Variants in LPP observed in about 807,000 individuals in gnomAD.
LPP encodes the protein LIM domain containing preferred translocation partner in lipoma, also known as lipoma-preferred partner.
LPP carries 38 observed loss-of-function variants against 60.4 expected under a neutral mutation model. The observed-to-expected ratio is 0.63, with a 90% CI of 0.49 to 0.83. The LOEUF (loss-of-function observed/expected upper bound fraction) is 0.83, where lower values mean the gene tolerates loss of function less well. LPP is among the 40% of genes least tolerant of loss of function. The pLI is 0.00. For synonymous variants in LPP, 328 were observed against 290.8 expected (o/e 1.13, Z -1.30); for missense variants, 902 against 783.6 (o/e 1.15, Z -1.80).
intron 8 of LPP, among the ~76,000 whole-genome samples, chr3:188,721,256 A>G (rs1716251524): frequency 6.6e-6 from 1 of 152,248 alleles, no homozygotes; most frequent in Middle Eastern, 3.4e-3. Flanking sequence ...ACTATATTTA[A>G]ATTTTAAAAA....
chr3:188,753,812 A>T (rs534253169), intron 8 of LPP, among the ~76,000 whole-genome samples: 1 of 151,876 alleles, frequency 6.6e-6, no homozygotes, highest in African/African-American at 2.4e-5. Flanking sequence ...TAGAGGGAAA[A>T]ACAAGAGAGA....
At chr3:188,493,731 C>T (rs1430317107) in intron 5 of LPP, among the ~76,000 whole-genome samples, 1 of 152,154 alleles carries the variant, frequency 6.6e-6, no homozygotes, top group African/African-American at 2.4e-5. Context: ...AGGTGTGAGC[C>T]ACTGCTCCCA....
At chr3:188,831,028 T>C (rs1000288363) in intron 9 of LPP, among the ~76,000 whole-genome samples, 1 of 152,190 alleles carries the variant, frequency 6.6e-6, no homozygotes, top group East Asian at 1.9e-4. Flanking sequence ...AATTGAGTAA[T>C]ATTTGTAGCA....
At chr3:188,455,575 A>T (rs1410705018) in intron 4 of LPP, among the ~76,000 whole-genome samples, 1 of 152,202 alleles carries the variant, frequency 6.6e-6, no homozygotes, top group Non-Finnish European at 1.5e-5. Flanking sequence ...TCTCTGCGAG[A>T]CAGAGACTGT....
At chr3:188,834,833 A>G (rs1291980171) in intron 9 of LPP, among the ~76,000 whole-genome samples, 1 of 152,202 alleles carries the variant, frequency 6.6e-6, no homozygotes, top group East Asian at 1.9e-4. Context: ...GTGAAAATCC[A>G]TGTCAGCAGC....
chr3:188,552,860 C>G (rs1828518301), intron 6 of LPP, among the ~76,000 whole-genome samples: 1 of 152,158 alleles, frequency 6.6e-6, no homozygotes, highest in Admixed American at 6.5e-5. Context: ...AACATGTTCA[C>G]AAGTTCGAGG....
chr3:188,777,972 AT>A (rs1361568182), intron 9 of LPP, among the ~76,000 whole-genome samples: 1 of 152,222 alleles, frequency 6.6e-6, no homozygotes, highest in Admixed American at 6.5e-5. Context: ...TTGTGCTTGT[AT>A]AGATTGTCCC....
intron 5 of LPP, among the ~76,000 whole-genome samples, chr3:188,487,044 C>T (rs1269257920): frequency 5.3e-5 from 8 of 152,102 alleles, no homozygotes; most frequent in African/African-American, 1.9e-4. Flanking sequence ...GTCATAGAAA[C>T]TATTTTGTTG....
At chr3:188,501,609 C>T (rs1044856275) in intron 5 of LPP, among the ~76,000 whole-genome samples, 27 of 152,088 alleles carry the variant, frequency 1.8e-4, no homozygotes, top group Non-Finnish European at 2.9e-4. Context: ...ATTAGCCGGG[C>T]GTGGTGGCGG....
intron 7 of LPP, among the ~76,000 whole-genome samples, chr3:188,617,937 G>A (rs1023834182): frequency 1.1e-4 from 16 of 152,176 alleles, no homozygotes; most frequent in African/African-American, 3.9e-4. Context: ...TTCTTGGCCA[G>A]CTACAAACAC....
At chr3:188,871,905 A>G (rs1768199569) in intron 10 of LPP, among the ~76,000 whole-genome samples, 1 of 152,228 alleles carries the variant, frequency 6.6e-6, no homozygotes, top group Non-Finnish European at 1.5e-5. Flanking sequence ...AAACATATGC[A>G]TATGCATATT....
At chr3:188,826,145 T>C (rs1755422838) in intron 9 of LPP, among the ~76,000 whole-genome samples, 1 of 152,170 alleles carries the variant, frequency 6.6e-6, no homozygotes, top group South Asian at 2.1e-4. Context: ...GAGAGGACAG[T>C]CTACTTGCAA....
At chr3:188,338,375 C>T (rs1000359749) in intron 2 of LPP, among the ~76,000 whole-genome samples, 1 of 152,168 alleles carries the variant, frequency 6.6e-6, no homozygotes, top group Non-Finnish European at 1.5e-5. Flanking sequence ...ATTTCAGTTG[C>T]TTCTGGGGAC....
At chr3:188,704,730 A>C (rs946557262) in intron 7 of LPP, among the ~76,000 whole-genome samples, 2 of 151,598 alleles carry the variant, frequency 1.3e-5, no homozygotes, top group Non-Finnish European at 2.9e-5. Context: ...ATTGTAAGTA[A>C]ATTTTGTGTA....
chr3:188,571,277 A>G lies in LPP; in HGVS notation c.430-37884A>G, dbSNP rs1055357453. The stretch of plus-strand genomic sequence containing the variant: ...AACATAGACACCAATATAAAACTAA[A>G]TGCAATAAAAGTGTGTTTTAAGATC... On this transcript the variant is annotated intron_variant, in intron 6 of 11. Coordinates refer to ENST00000617246, the MANE Select transcript of LPP (RefSeq NM_001375462.1). Among the ~76,000 whole-genome samples, 7 of 152,006 alleles carry G rather than the reference A, an allele frequency of 4.6e-5. No individual in the cohort carries two copies. In the South Asian group the frequency reaches 1.2e-3, roughly 27 times the overall value.
chr3:188,608,124 T>G (rs1430814370), intron 6 of LPP, among the ~76,000 whole-genome samples: 1 of 152,178 alleles, frequency 6.6e-6, no homozygotes, highest in Non-Finnish European at 1.5e-5. Context: ...CAGAATTAGC[T>G]GTGGCCAGGA....
At chr3:188,465,761 T>A (rs961993336) in intron 4 of LPP, among the ~76,000 whole-genome samples, 4 of 152,208 alleles carry the variant, frequency 2.6e-5, no homozygotes, top group African/African-American at 9.6e-5. Flanking sequence ...GGATGTCTTG[T>A]TTTTCTCTTC....
chr3:188,762,933 CA>C (rs1169141375), intron 9 of LPP, among the ~76,000 whole-genome samples: 2 of 152,170 alleles, frequency 1.3e-5, no homozygotes, highest in Non-Finnish European at 2.9e-5. Flanking sequence ...GCACAGTCCT[CA>C]AGCCCTCAGA....
intron 6 of LPP, among the ~76,000 whole-genome samples, chr3:188,536,070 A>G (rs1278589819): frequency 1.4e-5 from 2 of 140,072 alleles, no homozygotes; most frequent in African/African-American, 5.4e-5. Flanking sequence ...GTGCAATGGC[A>G]TGATCTCATC....
Sources: allele counts gnomAD v4.1 joint callset (sites outside exome capture counted in the v4.1 genomes callset), GRCh38; gene constraint gnomAD v4.1.1; transcripts MANE v1.5; gene names NCBI Gene and HGNC (gene_info 2026-07-23, HGNC 2026-07-21).